Variants in PTPRD observed in about 807,000 individuals in gnomAD.
The protein encoded by PTPRD is receptor-type tyrosine-protein phosphatase delta.
A neutral mutation model predicts 214.5 loss-of-function variants in PTPRD; 34 were observed. The observed-to-expected ratio is 0.16, with a 90% CI of 0.12 to 0.21. PTPRD has a LOEUF of 0.21. Ranked by LOEUF, PTPRD falls within the 10% of genes least tolerant of loss-of-function variation. PTPRD has a pLI of 1.00. For missense variants in PTPRD, 2,545 were observed against 2,398.7 expected, an observed-to-expected ratio of 1.06 and a Z score of -1.27; for synonymous variants, 1,128 against 845.7, an observed-to-expected ratio of 1.33 and a Z score of -5.79.
intron 11 of PTPRD, among the ~76,000 whole-genome samples, chr9:8,852,103 ACAGAGGAT>A (rs1221286233): frequency 6.6e-6 from 1 of 152,196 alleles, no homozygotes; most frequent in Non-Finnish European, 1.5e-5. Context: ...TCCAATCATT[ACAGAGGAT>A]CACTTTATGT....
At chr9:10,371,215 T>C (rs1481590128) in intron 2 of PTPRD, among the ~76,000 whole-genome samples, 1 of 151,934 alleles carries the variant, frequency 6.6e-6, no homozygotes, top group African/African-American at 2.4e-5. Flanking sequence ...ATATGAATGA[T>C]ATATATTTAA....
At chr9:9,579,029 T>C (rs2089939125) in intron 7 of PTPRD, among the ~76,000 whole-genome samples, 1 of 152,162 alleles carries the variant, frequency 6.6e-6, no homozygotes, top group African/African-American at 2.4e-5. Context: ...TACACATTTT[T>C]AATCCAAGGA....
chr9:8,431,753 A>C (rs1380660952), intron 35 of PTPRD, among the ~76,000 whole-genome samples: 2 of 152,222 alleles, frequency 1.3e-5, no homozygotes, highest in African/African-American at 4.8e-5. Flanking sequence ...CAGCTGACCT[A>C]TTAAACTAGC....
At chr9:10,540,875 G>C (rs1029299133) in intron 2 of PTPRD, among the ~76,000 whole-genome samples, 1 of 152,076 alleles carries the variant, frequency 6.6e-6, no homozygotes, top group Non-Finnish European at 1.5e-5. Context: ...AGAATGACTG[G>C]CAGGCTCCCC....
chr9:8,558,463 C>T (rs925150377), intron 14 of PTPRD, among the ~76,000 whole-genome samples: 1 of 152,248 alleles, frequency 6.6e-6, no homozygotes, highest in South Asian at 2.1e-4. Flanking sequence ...CACATCCTAA[C>T]CTTGGATTCC....
At chr9:9,288,507 G>A (rs1191896977) in intron 9 of PTPRD, among the ~76,000 whole-genome samples, 3 of 151,744 alleles carry the variant, frequency 2.0e-5, no homozygotes, top group African/African-American at 7.3e-5. Flanking sequence ...GTATATCTGT[G>A]TGAGTCTGAT....
At chr9:10,297,529 G>A (rs1596400540) in intron 3 of PTPRD, among the ~76,000 whole-genome samples, 1 of 150,996 alleles carries the variant, frequency 6.6e-6, no homozygotes, top group East Asian at 2.0e-4. Flanking sequence ...GTGAGCCTGA[G>A]TAACAGTGAT....
At chr9:9,383,596 G>T (rs535416243) in intron 9 of PTPRD, among the ~76,000 whole-genome samples, 70 of 152,228 alleles carry the variant, frequency 4.6e-4, no homozygotes, top group Admixed American at 4.5e-3. Flanking sequence ...ATTTGGCTAA[G>T]AAAAAATTGT....
At chr9:9,627,514 C>A (rs1255251812) in intron 7 of PTPRD, among the ~76,000 whole-genome samples, 2 of 152,176 alleles carry the variant, frequency 1.3e-5, no homozygotes, top group Non-Finnish European at 2.9e-5. Context: ...AGCAGTAGAA[C>A]TTCACAGTGT....
chr9:10,127,449 G>A (rs761570157), intron 3 of PTPRD, among the ~76,000 whole-genome samples: 1 of 152,090 alleles, frequency 6.6e-6, no homozygotes, highest in Non-Finnish European at 1.5e-5. Context: ...TGATCCTAGA[G>A]AGCAAGACAG....
chr9:10,067,727 T>C (rs977134991), intron 3 of PTPRD, among the ~76,000 whole-genome samples: 1 of 151,892 alleles, frequency 6.6e-6, no homozygotes, highest in South Asian at 2.1e-4. Context: ...TTTTTTACTC[T>C]AAAGACCATG....
intron 12 of PTPRD, among the ~76,000 whole-genome samples, chr9:8,707,737 C>A (rs1252702119): frequency 1.3e-5 from 2 of 152,298 alleles, no homozygotes; most frequent in South Asian, 4.1e-4. Context: ...TAACCATGGC[C>A]ACTACTAAAG....
chr9:10,059,798 T>G (rs2097724238), intron 3 of PTPRD, among the ~76,000 whole-genome samples: 1 of 150,870 alleles, frequency 6.6e-6, no homozygotes, highest in Non-Finnish European at 1.5e-5. Context: ...AAAAAAACAC[T>G]AAGCTTTACC....
At chr9:8,883,047 G>C (rs753046714) in intron 11 of PTPRD, among the ~76,000 whole-genome samples, 1 of 151,994 alleles carries the variant, frequency 6.6e-6, no homozygotes, top group Non-Finnish European at 1.5e-5. Flanking sequence ...GTGAATACTG[G>C]TCTGCTGTTT....
At chr9:8,644,096 G>T (rs2096636507) in intron 12 of PTPRD, among the ~76,000 whole-genome samples, 1 of 152,186 alleles carries the variant, frequency 6.6e-6, no homozygotes, top group Non-Finnish European at 1.5e-5. Context: ...GGGACAACCA[G>T]CTGCAAAAAG....
At chr9:9,239,974 C>G (rs2099969553) in intron 9 of PTPRD, among the ~76,000 whole-genome samples, 1 of 152,102 alleles carries the variant, frequency 6.6e-6, no homozygotes, top group Admixed American at 6.6e-5. Context: ...TCTCAGAGGC[C>G]TTGGTTAAGA....
intron 2 of PTPRD, among the ~76,000 whole-genome samples, chr9:10,596,868 C>T (rs1437720682): frequency 1.3e-5 from 2 of 151,438 alleles, no homozygotes; most frequent in South Asian, 2.1e-4. Flanking sequence ...ACATGAAAAA[C>T]GTGCAATACA....
At chr9:9,848,620 C>A (rs2059977826) in intron 5 of PTPRD, among the ~76,000 whole-genome samples, 1 of 151,894 alleles carries the variant, frequency 6.6e-6, no homozygotes, top group Admixed American at 6.6e-5. Context: ...GAAAGCTGTG[C>A]CTTCAATCTA....
At chr9:10,031,774 G>T (rs556058488) in intron 4 of PTPRD, among the ~76,000 whole-genome samples, 1 of 150,916 alleles carries the variant, frequency 6.6e-6, no homozygotes, top group African/African-American at 2.4e-5. Flanking sequence ...GAGTTTACTA[G>T]ATTCGTAGAT....
Sources: gnomAD v4.1 joint callset for allele counts (sites outside exome capture counted in the v4.1 genomes callset) on GRCh38, gnomAD v4.1.1 for gene constraint, MANE v1.5 for transcripts, NCBI Gene and HGNC (gene_info 2026-07-23, HGNC 2026-07-21) for gene names.